The following PPP1R14C variants were observed in gnomAD, a reference collection of about 807,000 sequenced individuals.
PPP1R14C encodes protein phosphatase 1 regulatory inhibitor subunit 14C, also known as protein phosphatase 1 regulatory subunit 14C.
A neutral mutation model predicts 20.4 loss-of-function variants in PPP1R14C; 16 were observed. That is an observed-to-expected ratio of 0.78 (90% CI 0.53 to 1.19). The LOEUF (loss-of-function observed/expected upper bound fraction) is 1.19. Among genes scored for constraint, PPP1R14C ranks in the 50% most tolerant of loss-of-function variants. The probability of loss-of-function intolerance (pLI) is 0.00; values close to 1 mark genes in which losing one functional copy is unlikely to be tolerated. For missense variants in PPP1R14C, 211 were observed against 220.1 expected, an observed-to-expected ratio of 0.96 and a Z score of 0.26; for synonymous variants, 91 against 91.0, an observed-to-expected ratio of 1.00 and a Z score of 0.00.
chr6:150,210,856 GC>G (rs1166157766), intron 1 of PPP1R14C, among the ~76,000 whole-genome samples: 1 of 152,054 alleles, frequency 6.6e-6, no homozygotes, highest in African/African-American at 2.4e-5. Flanking sequence ...CTACTGTATA[GC>G]CCCTCAGCCT....
chr6:150,167,089 G>A (rs560728076), intron 1 of PPP1R14C, among the ~76,000 whole-genome samples: 248 of 150,162 alleles, frequency 1.7e-3, no homozygotes, highest in African/African-American at 5.8e-3. Flanking sequence ...ACATTAGGCC[G>A]GGCGCGGTGG....
intron 1 of PPP1R14C, among the ~76,000 whole-genome samples, chr6:150,157,635 C>T (rs1345231218): frequency 4.0e-5 from 6 of 151,546 alleles, no homozygotes; most frequent in African/African-American, 1.2e-4. Flanking sequence ...CCGTTGGCTT[C>T]TGGGCTTCTA....
chr6:150,216,548 T>G (rs1273640478), intron 2 of PPP1R14C, among the ~76,000 whole-genome samples: 2 of 146,788 alleles, frequency 1.4e-5, no homozygotes, highest in Admixed American at 1.3e-4. Flanking sequence ...TTGTTTTCAA[T>G]GCTATGGTAG....
intron 1 of PPP1R14C, among the ~76,000 whole-genome samples, chr6:150,208,547 GT>G (rs1194080355): frequency 6.6e-6 from 1 of 152,084 alleles, no homozygotes; most frequent in African/African-American, 2.4e-5. Flanking sequence ...TTATGCTATG[GT>G]TATAAAAATC....
intron 1 of PPP1R14C, among the ~76,000 whole-genome samples, chr6:150,148,282 G>A (rs1332003937): frequency 6.6e-6 from 1 of 151,682 alleles, no homozygotes; most frequent in Non-Finnish European, 1.5e-5. Flanking sequence ...GGTGGAATCA[G>A]GCACAGGGAA....
chr6:150,147,056 TTTGATTATAATGTAACCA>T (rs1283701708), intron 1 of PPP1R14C, among the ~76,000 whole-genome samples: 2 of 152,174 alleles, frequency 1.3e-5, no homozygotes, highest in Non-Finnish European at 2.9e-5. Context: ...CAGCTAGGAA[TTTGATTATAATGTAACCA>T]TTAGACTAAA....
At chr6:150,170,527 T>C (rs1431091368) in intron 1 of PPP1R14C, among the ~76,000 whole-genome samples, 1 of 152,080 alleles carries the variant, frequency 6.6e-6, no homozygotes, top group South Asian at 2.1e-4. Flanking sequence ...TTTCAATGTG[T>C]TAGCCAGGAT....
chr6:150,245,678 G>C (rs1445894930), intron 3 of PPP1R14C, among the ~76,000 whole-genome samples: 5 of 152,186 alleles, frequency 3.3e-5, no homozygotes, highest in African/African-American at 1.2e-4. Flanking sequence ...AGTATTTTAG[G>C]AGTAAATGAG....
At chr6:150,205,887 T>C (rs1290570739) in intron 1 of PPP1R14C, among the ~76,000 whole-genome samples, 2 of 152,192 alleles carry the variant, frequency 1.3e-5, no homozygotes, top group Non-Finnish European at 2.9e-5. Flanking sequence ...TCCCAGCTTA[T>C]TTCTGTGGCC....
At chr6:150,183,206 T>A (rs1777641343) in intron 1 of PPP1R14C, among the ~76,000 whole-genome samples, 1 of 152,148 alleles carries the variant, frequency 6.6e-6, no homozygotes, top group East Asian at 1.9e-4. Flanking sequence ...TTTTAGTGAG[T>A]TATCTCGGAC....
chr6:150,153,213 A>T (rs1014826351), intron 1 of PPP1R14C, among the ~76,000 whole-genome samples: 1 of 152,214 alleles, frequency 6.6e-6, no homozygotes, highest in African/African-American at 2.4e-5. Flanking sequence ...TGGTTACATG[A>T]TGTGCATTTC....
At chr6:150,239,765 A>G (rs1240304840) in intron 3 of PPP1R14C, among the ~76,000 whole-genome samples, 1 of 152,120 alleles carries the variant, frequency 6.6e-6, no homozygotes, top group African/African-American at 2.4e-5. Flanking sequence ...AAACAGAAAA[A>G]CATGCTGGGC....
At chr6:150,226,394 T>C (rs568525601) in intron 3 of PPP1R14C, among the ~76,000 whole-genome samples, 4 of 152,210 alleles carry the variant, frequency 2.6e-5, no homozygotes, top group Non-Finnish European at 5.9e-5. Context: ...ATCAGTAGTG[T>C]TAGCCTAGTG....
intron 3 of PPP1R14C, among the ~76,000 whole-genome samples, chr6:150,238,063 T>C (rs1778385879): frequency 6.6e-6 from 1 of 152,244 alleles, no homozygotes; most frequent in South Asian, 2.1e-4. Flanking sequence ...GTTCTGTCCC[T>C]GCCCAGGGCT....
chr6:150,192,513 G>C lies in PPP1R14C; in HGVS notation c.307-22231G>C, dbSNP rs537815659. Among the ~76,000 whole-genome samples, 195 of 152,236 alleles carry C rather than the reference G, an allele frequency of 1.3e-3. 3 individuals are homozygous for C. The highest frequency in any genetic ancestry group is 4.5e-3 in the African/African-American group (186 of 41,550). On this transcript the variant is annotated intron_variant, in intron 1 of 3. Coordinates refer to ENST00000361131, the MANE Select transcript of PPP1R14C (RefSeq NM_030949.3). Reference sequence around the variant, plus strand: ...CAGGCGGTAATGCTTTCTTGCCCATGTTCACCTCCTACTGTGTGGCCTGGT... The same window carrying C: ...CAGGCGGTAATGCTTTCTTGCCCATCTTCACCTCCTACTGTGTGGCCTGGT...
chr6:150,226,417 A>T (rs1483392612), intron 3 of PPP1R14C, among the ~76,000 whole-genome samples: 1 of 152,186 alleles, frequency 6.6e-6, no homozygotes, highest in African/African-American at 2.4e-5. Flanking sequence ...CATGGTAAAA[A>T]TCAGAGATGG....
At chr6:150,174,135 A>G (rs890060644) in intron 1 of PPP1R14C, among the ~76,000 whole-genome samples, 8 of 150,774 alleles carry the variant, frequency 5.3e-5, no homozygotes, top group African/African-American at 1.7e-4. Flanking sequence ...AATCAAGCTA[A>G]TTAGCATATT....
At chr6:150,233,572 C>G (rs1011606415) in intron 3 of PPP1R14C, among the ~76,000 whole-genome samples, 1 of 152,104 alleles carries the variant, frequency 6.6e-6, no homozygotes, top group Non-Finnish European at 1.5e-5. Context: ...TGATAGTGAT[C>G]ATAGTGGCAG....
intron 1 of PPP1R14C, among the ~76,000 whole-genome samples, chr6:150,208,768 A>G (rs1777984616): frequency 6.6e-6 from 1 of 152,162 alleles, no homozygotes; most frequent in Non-Finnish European, 1.5e-5. Context: ...CTTTTTTCTC[A>G]TTAGCCACAA....
Sources: gnomAD v4.1 joint callset for allele counts (sites outside exome capture counted in the v4.1 genomes callset) on GRCh38, gnomAD v4.1.1 for gene constraint, MANE v1.5 for transcripts, NCBI Gene and HGNC (gene_info 2026-07-23, HGNC 2026-07-21) for gene names.